ETFA: variants seen among roughly 807,000 people sequenced by gnomAD.
The protein encoded by ETFA is electron transfer flavoprotein subunit alpha, mitochondrial.
ETFA carries 22 observed loss-of-function variants against 46.2 expected under a neutral mutation model. The ratio of observed to expected loss-of-function variants is 0.48; its 90% CI spans 0.34 to 0.68. The LOEUF (loss-of-function observed/expected upper bound fraction) is 0.68, where lower values mean the gene tolerates loss of function less well. Ranked by LOEUF, ETFA falls within the 30% of genes least tolerant of loss-of-function variation. The probability of loss-of-function intolerance (pLI) is 0.01; values close to 1 mark genes in which losing one functional copy is unlikely to be tolerated. For synonymous variants in ETFA, 131 were observed against 139.9 expected, an observed-to-expected ratio of 0.94 and a Z score of 0.45; for missense variants, 345 against 401.1, an observed-to-expected ratio of 0.86 and a Z score of 1.19.
chr15:76,265,162 G>A (rs1220152699), intron 9 of ETFA, among the ~76,000 whole-genome samples: 3 of 152,178 alleles, frequency 2.0e-5, no homozygotes, highest in African/African-American at 7.2e-5. Flanking sequence ...GGTCCCCATG[G>A]GAGTTAGGGG....
rs373871967 is a variant in ETFA at position 76,274,442 on chromosome 15, T to C, written c.786A>G (p.Gln262=). 18 of 1,612,362 alleles carry C rather than the reference T, an allele frequency of 1.1e-5. No homozygotes were observed. The highest frequency in any genetic ancestry group is 5.3e-5 in the African/African-American group (4 of 74,910). Residue 262 remains glutamine (Q), a synonymous_variant, in exon 9 of 12, where the codon CAA becomes CAG. Coordinates refer to ENST00000557943, the MANE Select transcript of ETFA (RefSeq NM_000126.4). ...VDAGFVPNDM[Q]VGQTGKIVAP... Reference sequence around the variant, plus strand: ...CTACTATTTTTCCCGTCTGTCCAACTTGCATGTCATTGGGAACAAAGCCAG... The same window carrying C: ...CTACTATTTTTCCCGTCTGTCCAACCTGCATGTCATTGGGAACAAAGCCAG...
chr15:76,227,385 T>C (rs770717465), intron 10 of ETFA, among the ~76,000 whole-genome samples: 1 of 151,808 alleles, frequency 6.6e-6, no homozygotes, highest in Non-Finnish European at 1.5e-5. Context: ...GGTGTGGTGG[T>C]GCGCACCTGT....
intron 1 of ETFA, among the ~76,000 whole-genome samples, chr15:76,304,888 C>G (rs1157040421): frequency 1.3e-5 from 2 of 151,554 alleles, no homozygotes; most frequent in Non-Finnish European, 2.9e-5. Flanking sequence ...ACTAAAAATA[C>G]AAAAATTAGC....
intron 1 of ETFA, among the ~76,000 whole-genome samples, chr15:76,296,251 A>G (rs2039822131): frequency 6.6e-6 from 1 of 152,084 alleles, no homozygotes; most frequent in South Asian, 2.1e-4. Flanking sequence ...CTGGCCTACT[A>G]ATATTCTTAT....
chr15:76,259,352 C>A, intron 9 of ETFA: 1 of 1,591,494 alleles, frequency 6.3e-7, no homozygotes, highest in Middle Eastern at 1.9e-4. Context: ...GGTCAGCACT[C>A]CAGCACTGGT....
chr15:76,286,701 C>T (rs2039708213), intron 5 of ETFA, among the ~76,000 whole-genome samples: 1 of 152,132 alleles, frequency 6.6e-6, no homozygotes, highest in African/African-American at 2.4e-5. Flanking sequence ...AGGACAGGTA[C>T]TACCACACCT....
At chr15:76,234,504 T>G (rs2039102304) in intron 9 of ETFA, among the ~76,000 whole-genome samples, 1 of 152,052 alleles carries the variant, frequency 6.6e-6, no homozygotes, top group Non-Finnish European at 1.5e-5. Context: ...GTAAGACCAT[T>G]TGGAGAGAAA....
Position 76,288,206 on chromosome 15 carries a change from C to T in ETFA, c.352-261G>A, listed in dbSNP as rs2456068. Among the ~76,000 whole-genome samples the T allele has an allele frequency of 0.98, 149,057 of 152,292 alleles. 73,026 individuals carry two copies. The highest frequency in any genetic ancestry group is 1 in the South Asian group (4,828 of 4,828). On this transcript the variant is annotated intron_variant, in intron 4 of 11. Transcript: ENST00000557943. ...AGCCACCTTAATGCAATATATTGAA[C>T]TATGAGATATGAAATTTAATAAACA...
chr15:76,226,305 A>G (rs1407230084), intron 10 of ETFA: 2 of 229,736 alleles, frequency 8.7e-6, no homozygotes, highest in Non-Finnish European at 1.7e-5. Context: ...ATTCTGGAGG[A>G]CAGGCACAGT....
intron 4 of ETFA, among the ~76,000 whole-genome samples, chr15:76,291,446 GAAAAAAA>G (rs754954938): frequency 4.3e-5 from 4 of 93,456 alleles, no homozygotes; most frequent in Non-Finnish European, 7.9e-5. Context: ...ACTCCATCTC[GAAAAAAA>G]AAAAAAAAAA....
Position 76,283,774 on chromosome 15 carries a change from T to A in ETFA, c.716A>T (p.Asp239Val), listed in dbSNP as rs1260250211. ...ENFKLLYDLA[D>V]QLHAAVGASR... The stretch of plus-strand genomic sequence containing the variant: ...AACTTTACCTGCAGCATGTAGTTGA[T>A]CTGCCAAGTCATATAACAACTTAAA... Residue 239 changes from aspartate to valine, a missense_variant, in exon 8 of 12, where the codon GAT becomes GTT. Asp to Val is a radical substitution (Grantham distance 152). Transcript: ENST00000557943. The A allele has an allele frequency of 6.2e-7, 1 of 1,608,594 alleles. No homozygotes were observed. The highest frequency in any genetic ancestry group is 1.3e-5 in the African/African-American group (1 of 74,944).
In ETFA at chr15:76,251,783, A is replaced by G. The variant is rs16968032; in HGVS notation, c.817-20385T>C. On this transcript the variant is annotated intron_variant, in intron 9 of 11. Coordinates refer to ENST00000557943, the MANE Select transcript of ETFA (RefSeq NM_000126.4). The stretch of plus-strand genomic sequence containing the variant: ...CTAGATCACTAGTCACTACCCTAGA[A>G]TAAGCCTGAACAGCAGATACGAAAT... Among the ~76,000 whole-genome samples, 749 of 152,328 alleles carry G rather than the reference A, an allele frequency of 4.9e-3. 44 individuals are homozygous for G. The East Asian group carries it at 0.13, about 27-fold the overall frequency.
intron 9 of ETFA, chr15:76,260,334 G>A (rs146039533): frequency 1.8e-5 from 24 of 1,334,256 alleles, no homozygotes; most frequent in South Asian, 2.4e-5. Flanking sequence ...CCCAAACCAC[G>A]TCTCTTTCGG....
intron 1 of ETFA, chr15:76,310,068 C>CAAAAAAGAAAAAAA (rs2039977632): frequency 1.4e-5 from 1 of 71,920 alleles, no homozygotes; most frequent in African/African-American, 5.1e-5. Flanking sequence ...CCCGTCTCTA[C>CAAAAAAGAAAAAAA]AAAAAAAAAA....
At chr15:76,272,960 AAT>A (rs921617558) in intron 9 of ETFA, among the ~76,000 whole-genome samples, 3 of 152,026 alleles carry the variant, frequency 2.0e-5, no homozygotes, top group Non-Finnish European at 4.4e-5. Flanking sequence ...TTAATTTATG[AAT>A]AGTTCTAATA....
chr15:76,248,301 GTAA>G (rs1341830760), intron 9 of ETFA, among the ~76,000 whole-genome samples: 2 of 152,128 alleles, frequency 1.3e-5, no homozygotes, highest in African/African-American at 4.8e-5. Context: ...GAGGGAATGT[GTAA>G]TAAATGGTGC....
chr15:76,241,721 G>A (rs147396188), intron 9 of ETFA, among the ~76,000 whole-genome samples: 10,603 of 138,212 alleles, frequency 0.077, 441 homozygotes, highest in Middle Eastern at 0.14. Flanking sequence ...AGAATGGCAT[G>A]AACCCGGGAG....
chr15:76,279,132 A>G (rs1008750748), intron 8 of ETFA, among the ~76,000 whole-genome samples: 2 of 152,164 alleles, frequency 1.3e-5, no homozygotes, highest in Non-Finnish European at 2.9e-5. Context: ...AGTTATCTGT[A>G]TTCACTGTCT....
At chr15:76,260,350 T>C in intron 9 of ETFA, 1 of 1,334,658 alleles carries the variant, frequency 7.5e-7, no homozygotes, top group Non-Finnish European at 1.1e-6. Flanking sequence ...TTCGGTCTCT[T>C]TTGAAGCAAG....
Sources: gnomAD v4.1 joint callset for allele counts (sites outside exome capture counted in the v4.1 genomes callset) on GRCh38, gnomAD v4.1.1 for gene constraint, MANE v1.5 for transcripts, NCBI Gene and HGNC (gene_info 2026-07-23, HGNC 2026-07-21) for gene names.